ME3: variants seen among roughly 807,000 people sequenced by gnomAD.
ME3 encodes the protein NADP-dependent malic enzyme, mitochondrial.
A neutral mutation model predicts 68.9 loss-of-function variants in ME3; 48 were observed. That is an observed-to-expected ratio of 0.70 (90% CI 0.55 to 0.89). The LOEUF (loss-of-function observed/expected upper bound fraction) is 0.89. Ranked by LOEUF, ME3 falls within the 40% of genes least tolerant of loss-of-function variation. ME3 has a pLI of 0.00. For missense variants in ME3, 675 were observed against 797.4 expected (o/e 0.85, Z 1.85); for synonymous variants, 320 against 318.8 (o/e 1.00, Z -0.04).
chr11:86,664,455 A>C (rs1946470107), intron 2 of ME3, among the ~76,000 whole-genome samples: 1 of 152,202 alleles, frequency 6.6e-6, no homozygotes, highest in Admixed American at 6.5e-5. Context: ...AGGATGATTC[A>C]ATTATTTACA....
chr11:86,626,226 C>T (rs1239457936), intron 2 of ME3, among the ~76,000 whole-genome samples: 1 of 152,076 alleles, frequency 6.6e-6, no homozygotes, highest in Non-Finnish European at 1.5e-5. Context: ...CTTGGCTCTG[C>T]CAAGAGAGTA....
intron 2 of ME3, among the ~76,000 whole-genome samples, chr11:86,661,669 T>C (rs1276732008): frequency 6.6e-6 from 1 of 152,164 alleles, no homozygotes; most frequent in Admixed American, 6.5e-5. Flanking sequence ...GTGTCAGCCT[T>C]GCCAACACTG....
chr11:86,487,215 G>A (rs1353720113), intron 7 of ME3, 122 bp downstream of exon 7: 1 of 779,126 alleles, frequency 1.3e-6, no homozygotes, highest in Non-Finnish European at 2.1e-6. Flanking sequence ...GGAATTTTCA[G>A]AATACCTGGA....
At chr11:86,560,748 G>GTGTATGTGTA (rs1243025217) in intron 2 of ME3, among the ~76,000 whole-genome samples, 781 of 62,506 alleles carry the variant, frequency 0.012, 34 homozygotes, top group African/African-American at 0.041. Context: ...GTGTGTGTGT[G>GTGTATGTGTA]TATATATATA....
intron 10 of ME3, among the ~76,000 whole-genome samples, chr11:86,448,526 G>T (rs1429133037): frequency 4.6e-5 from 7 of 152,114 alleles, no homozygotes; most frequent in African/African-American, 1.4e-4. Flanking sequence ...GAGCTGTTAG[G>T]ATTATGGCTT....
intron 2 of ME3, among the ~76,000 whole-genome samples, chr11:86,587,967 C>G (rs1038419565): frequency 5.3e-5 from 8 of 152,204 alleles, no homozygotes; most frequent in African/African-American, 1.9e-4. Context: ...GCAAGTTACT[C>G]AACTTCTTAG....
intron 2 of ME3, among the ~76,000 whole-genome samples, chr11:86,599,020 T>G (rs996899844): frequency 2.6e-5 from 4 of 152,254 alleles, no homozygotes; most frequent in East Asian, 3.9e-4. Flanking sequence ...GCAGAAAAAC[T>G]GGAAACTCTA....
chr11:86,664,892 C>G (rs1309304005), intron 2 of ME3, among the ~76,000 whole-genome samples: 1 of 152,218 alleles, frequency 6.6e-6, no homozygotes, highest in Non-Finnish European at 1.5e-5. Flanking sequence ...GTTAATATCT[C>G]TGTGCTGTGC....
At chr11:86,457,567 T>A in intron 8 of ME3, 1 of 1,163,398 alleles carries the variant, frequency 8.6e-7, no homozygotes, top group Non-Finnish European at 1.1e-6. Flanking sequence ...ATTTGGCAAA[T>A]AAAGTTATCT....
intron 2 of ME3, among the ~76,000 whole-genome samples, chr11:86,632,899 G>A (rs1027335911): frequency 3.9e-5 from 6 of 152,200 alleles, no homozygotes; most frequent in African/African-American, 1.4e-4. Flanking sequence ...CGGTGAGGAA[G>A]GGCTTTCAGA....
intron 4 of ME3, among the ~76,000 whole-genome samples, chr11:86,542,298 G>C (rs1386486982): frequency 1.3e-5 from 2 of 152,186 alleles, no homozygotes; most frequent in Admixed American, 6.5e-5. Flanking sequence ...ACTGGACAGA[G>C]CATGACTTTG....
At chr11:86,603,732 T>C (rs546602485) in intron 2 of ME3, among the ~76,000 whole-genome samples, 62 of 152,038 alleles carry the variant, frequency 4.1e-4, no homozygotes, top group Middle Eastern at 3.4e-3. Flanking sequence ...TAAGAAAATG[T>C]GGCACATATA....
chr11:86,655,934 C>T (rs1217753297), intron 2 of ME3, among the ~76,000 whole-genome samples: 27 of 151,960 alleles, frequency 1.8e-4, no homozygotes, highest in African/African-American at 6.5e-4. Flanking sequence ...AAAAAGTGGG[C>T]CAAGGACATG....
intron 5 of ME3, among the ~76,000 whole-genome samples, chr11:86,504,246 T>TC (rs1415166942): frequency 6.6e-6 from 1 of 151,958 alleles, no homozygotes; most frequent in East Asian, 1.9e-4. Context: ...AAACTCTGTC[T>TC]CCCCCACTTA....
intron 3 of ME3, among the ~76,000 whole-genome samples, chr11:86,557,001 C>T (rs1384174514): frequency 3.3e-5 from 5 of 152,146 alleles, no homozygotes; most frequent in African/African-American, 1.2e-4. Flanking sequence ...GGCAAGGAGA[C>T]TCATGTAGAG....
intron 7 of ME3, among the ~76,000 whole-genome samples, chr11:86,474,557 C>A (rs1487607890): frequency 6.6e-6 from 1 of 152,204 alleles, no homozygotes; most frequent in Non-Finnish European, 1.5e-5. Context: ...TTCTTGGCCA[C>A]CAACCCACTG....
intron 2 of ME3, among the ~76,000 whole-genome samples, chr11:86,607,478 T>C (rs937960983): frequency 4.2e-5 from 6 of 144,496 alleles, no homozygotes; most frequent in African/African-American, 1.5e-4. Context: ...TTTTTTAAAC[T>C]TCAGGGGAAA....
At chr11:86,545,865 A>G (rs1399338910) in intron 4 of ME3, among the ~76,000 whole-genome samples, 1 of 152,204 alleles carries the variant, frequency 6.6e-6, no homozygotes, top group African/African-American at 2.4e-5. Context: ...AGACAATCCT[A>G]AGCAAAAAGA....
At chr11:86,561,475 A>G (rs756912869) in intron 2 of ME3, among the ~76,000 whole-genome samples, 4 of 152,202 alleles carry the variant, frequency 2.6e-5, no homozygotes, top group Admixed American at 6.5e-5. Flanking sequence ...CCACATATCT[A>G]TAAATTTTTC....
Sources: allele counts gnomAD v4.1 joint callset (sites outside exome capture counted in the v4.1 genomes callset), GRCh38; gene constraint gnomAD v4.1.1; transcripts MANE v1.5; gene names NCBI Gene and HGNC (gene_info 2026-07-23, HGNC 2026-07-21).